Variants in DAB1 observed in about 807,000 individuals in gnomAD.
The protein encoded by DAB1 is DAB adaptor protein 1, also known as disabled homolog 1.
A neutral mutation model predicts 64.6 loss-of-function variants in DAB1; 15 were observed. The ratio of observed to expected loss-of-function variants is 0.23; its 90% CI spans 0.16 to 0.36. The LOEUF (loss-of-function observed/expected upper bound fraction) is 0.36, where lower values mean the gene tolerates loss of function less well. Ranked by LOEUF, DAB1 falls within the 10% of genes least tolerant of loss-of-function variation. The probability of loss-of-function intolerance (pLI) is 1.00; values close to 1 mark genes in which losing one functional copy is unlikely to be tolerated. For missense variants in DAB1, 596 were observed against 706.7 expected (o/e 0.84, Z 1.78); for synonymous variants, 235 against 251.9 (o/e 0.93, Z 0.64).
chr1:57,714,149 C>T (rs942112938), intron 6 of DAB1, among the ~76,000 whole-genome samples: 6 of 145,642 alleles, frequency 4.1e-5, no homozygotes, highest in Non-Finnish European at 7.4e-5. Flanking sequence ...GCATTTACTA[C>T]TTGCCAGCTC....
intron 4 of DAB1, among the ~76,000 whole-genome samples, chr1:58,187,253 G>A (rs504636): frequency 0.81 from 121,553 of 150,562 alleles, 49,339 homozygotes; most frequent in South Asian, 0.88. Flanking sequence ...AAAGCCAGGA[G>A]TTCAAGTCCA....
At chr1:58,522,748 A>G in intron 2 of DAB1, among the ~76,000 whole-genome samples, 1 of 152,362 alleles carries the variant, frequency 6.6e-6, no homozygotes, top group East Asian at 1.9e-4. Flanking sequence ...TGTATTATAT[A>G]CTGTATTCTT....
At chr1:58,338,036 A>G (rs1473274240) in intron 4 of DAB1, among the ~76,000 whole-genome samples, 1 of 151,970 alleles carries the variant, frequency 6.6e-6, no homozygotes, top group Non-Finnish European at 1.5e-5. Context: ...AAAAATAGCC[A>G]CTAACATTTG....
At chr1:57,502,950 C>T (rs909571821) in intron 7 of DAB1, among the ~76,000 whole-genome samples, 4 of 152,276 alleles carry the variant, frequency 2.6e-5, no homozygotes, top group Admixed American at 2.6e-4. Context: ...GCATTATGTA[C>T]ATTAACTCTT....
intron 9 of DAB1, among the ~76,000 whole-genome samples, chr1:57,030,695 G>A (rs527941394): frequency 3.3e-5 from 5 of 152,342 alleles, no homozygotes; most frequent in African/African-American, 1.2e-4. Flanking sequence ...GAGGTGGACA[G>A]CACACAGGTG....
At chr1:58,015,863 T>C (rs1290672944) in intron 5 of DAB1, among the ~76,000 whole-genome samples, 1 of 152,140 alleles carries the variant, frequency 6.6e-6, no homozygotes, top group African/African-American at 2.4e-5. Flanking sequence ...AAGCAAGAGA[T>C]ACAAACGGAA....
At chr1:58,405,939 C>T (rs1344470367) in intron 3 of DAB1, among the ~76,000 whole-genome samples, 1 of 152,190 alleles carries the variant, frequency 6.6e-6, no homozygotes, top group Non-Finnish European at 1.5e-5. Context: ...GGCCATGTCT[C>T]AGGAGACATC....
At chr1:58,447,332 T>C (rs1227838322) in intron 3 of DAB1, among the ~76,000 whole-genome samples, 1 of 152,182 alleles carries the variant, frequency 6.6e-6, no homozygotes, top group African/African-American at 2.4e-5. Flanking sequence ...AGCCAATGAC[T>C]GGGTACAAAG....
intron 8 of DAB1, among the ~76,000 whole-genome samples, chr1:57,066,210 G>C (rs1650895537): frequency 6.6e-6 from 1 of 152,092 alleles, no homozygotes; most frequent in South Asian, 2.1e-4. Context: ...CTGAAATCTT[G>C]CTTATATAGG....
At chr1:57,078,906 T>C (rs1294305451) in intron 4 of DAB1, among the ~76,000 whole-genome samples, 3 of 152,268 alleles carry the variant, frequency 2.0e-5, no homozygotes, top group Non-Finnish European at 2.9e-5. Flanking sequence ...GCTGTTAGGA[T>C]GGTGAAAAGT....
chr1:57,471,039 A>G (rs1570550183), intron 7 of DAB1, among the ~76,000 whole-genome samples: 1 of 152,248 alleles, frequency 6.6e-6, no homozygotes, highest in East Asian at 1.9e-4. Flanking sequence ...AGAAATTCTG[A>G]GTCCTCAAAA....
intron 1 of DAB1, among the ~76,000 whole-genome samples, chr1:57,313,652 G>A (rs1002956371): frequency 2.0e-5 from 3 of 152,300 alleles, no homozygotes; most frequent in Admixed American, 6.5e-5. Flanking sequence ...CTCCCACCAC[G>A]CCTGTTCCAG....
intron 4 of DAB1, among the ~76,000 whole-genome samples, chr1:58,300,581 A>T (rs1662106107): frequency 4.9e-5 from 1 of 20,482 alleles, no homozygotes; most frequent in Admixed American, 6.4e-4. Context: ...AGAAAGAAAG[A>T]AAGAAAGAAA....
chr1:57,423,209 G>A (rs2101096619), intron 1 of DAB1, among the ~76,000 whole-genome samples: 2 of 147,740 alleles, frequency 1.4e-5, no homozygotes, highest in African/African-American at 4.9e-5. Flanking sequence ...CTGGAGCAGA[G>A]AGAAGGAAGA....
At chr1:58,210,634 A>C (rs1161089743) in intron 4 of DAB1, among the ~76,000 whole-genome samples, 1 of 152,234 alleles carries the variant, frequency 6.6e-6, no homozygotes, top group Non-Finnish European at 1.5e-5. Context: ...CTTTTATTTG[A>C]AAAGCTGTGT....
At chr1:57,721,152 C>G (rs1039174161) in intron 6 of DAB1, among the ~76,000 whole-genome samples, 4 of 152,140 alleles carry the variant, frequency 2.6e-5, no homozygotes, top group African/African-American at 9.7e-5. Flanking sequence ...TCCATCTTGT[C>G]AAATGTGGCC....
chr1:57,577,885 C>G (rs1275370878), intron 7 of DAB1, among the ~76,000 whole-genome samples: 1 of 152,184 alleles, frequency 6.6e-6, no homozygotes, highest in Non-Finnish European at 1.5e-5. Flanking sequence ...TTTCTAGAAA[C>G]TGGACATGAC....
intron 9 of DAB1, among the ~76,000 whole-genome samples, chr1:57,060,178 T>A (rs903436107): frequency 6.6e-5 from 10 of 151,794 alleles, no homozygotes; most frequent in Non-Finnish European, 1.5e-4. Flanking sequence ...TGAGACGGAG[T>A]TTGGCTCTGT....
chr1:57,234,358 G>C (rs561631658), intron 2 of DAB1, among the ~76,000 whole-genome samples: 33 of 152,174 alleles, frequency 2.2e-4, no homozygotes, highest in Non-Finnish European at 4.3e-4. Context: ...TGGTTCTGTG[G>C]CCTTGGGCAT....
Sources: allele counts gnomAD v4.1 joint callset (sites outside exome capture counted in the v4.1 genomes callset), GRCh38; gene constraint gnomAD v4.1.1; transcripts MANE v1.5; gene names NCBI Gene and HGNC (gene_info 2026-07-23, HGNC 2026-07-21).